XKR9: variants seen among roughly 807,000 people sequenced by gnomAD.
XKR9 encodes the protein XK related 9.
In XKR9, 32 loss-of-function variants were observed where a neutral mutation model predicts 32.0. That is an observed-to-expected ratio of 1.00 (90% CI 0.76 to 1.34). The LOEUF (loss-of-function observed/expected upper bound fraction) is 1.34, where lower values mean the gene tolerates loss of function less well. XKR9 is among the 40% of genes most tolerant of loss of function. The pLI is 0.00. For synonymous variants in XKR9, 168 were observed against 143.4 expected (o/e 1.17, Z -1.22); for missense variants, 546 against 429.7 (o/e 1.27, Z -2.39).
chr8:70,886,029 A>C, the XKR9 span, among the ~76,000 whole-genome samples: 13 of 151,968 alleles, frequency 8.6e-5, no homozygotes, highest in Non-Finnish European at 1.9e-4. Flanking sequence ...TCCTAATGCT[A>C]TCCCTCCCCT....
downstream of XKR9, among the ~76,000 whole-genome samples, chr8:70,739,596 T>C (rs1256099223): frequency 6.6e-6 from 1 of 152,158 alleles, no homozygotes; most frequent in Admixed American, 6.5e-5. Context: ...GATTTTGCAG[T>C]GGCTGGTACC....
chr8:70,846,388 C>T, the XKR9 span, among the ~76,000 whole-genome samples: 6 of 151,928 alleles, frequency 3.9e-5, no homozygotes, highest in Admixed American at 3.3e-4. Flanking sequence ...AGAGAAAACA[C>T]AAATGAAGAG....
the XKR9 span, among the ~76,000 whole-genome samples, chr8:70,981,864 A>G: frequency 1.1e-4 from 17 of 152,262 alleles, no homozygotes; most frequent in East Asian, 1.2e-3. Flanking sequence ...CCCTTCCCCT[A>G]TGAATGGGGC....
In XKR9 at chr8:70,702,012, C is replaced by T. The variant is rs149596507; in HGVS notation, c.273-4921C>T. 3.8e-3 allele frequency among the ~76,000 whole-genome samples: 578 copies of T among 152,158 alleles called. 5 individuals carry two copies. Among genetic ancestry groups the T allele is most frequent in the African/African-American group, 0.013 (547 of 41,544 alleles). On this transcript the variant is annotated intron_variant, in intron 3 of 4. Transcript: ENST00000408926. ...TTAGTACATATAAAAAGTTTAAATTCTATAAAAATGAATATAATGGGAGTT... is the reference window on the plus strand; with the variant it reads ...TTAGTACATATAAAAAGTTTAAATTTTATAAAAATGAATATAATGGGAGTT...
the XKR9 span, among the ~76,000 whole-genome samples, chr8:70,828,653 G>A: frequency 3.3e-5 from 5 of 151,572 alleles, no homozygotes; most frequent in African/African-American, 9.7e-5. Flanking sequence ...AACCCAGGAG[G>A]TGGAGGTTGC....
chr8:71,020,633 T>C, the XKR9 span, among the ~76,000 whole-genome samples: 2 of 152,228 alleles, frequency 1.3e-5, no homozygotes, highest in African/African-American at 2.4e-5. Context: ...AGTTTTTTAG[T>C]TGATACATAA....
rs1000962412 is a variant in XKR9 at position 70,735,459 on chromosome 8, A to T, written c.*1035A>T. On this transcript the variant is annotated 3_prime_UTR_variant, in exon 5 of 5. Transcript: ENST00000408926. ...TATTTATTTTTAATTTTTTAATTTT[A>T]TATTATTATTATTATTATTATACTT... 6.7e-6 allele frequency: 1 copy of T among 149,174 alleles called. No homozygotes were observed. The highest frequency in any genetic ancestry group is 1.5e-5 in the Non-Finnish European group (1 of 67,236). The allele number at this position is 149,174 out of a possible 1,614,324, so 9.2% of individuals were successfully genotyped here.
At chr8:71,064,582 T>C in the XKR9 span, among the ~76,000 whole-genome samples, 1 of 152,222 alleles carries the variant, frequency 6.6e-6, no homozygotes, top group Non-Finnish European at 1.5e-5. Context: ...TTCTCCCACA[T>C]TCTTTAACAT....
At chr8:70,848,632 AG>A in the XKR9 span, among the ~76,000 whole-genome samples, 1 of 152,116 alleles carries the variant, frequency 6.6e-6, no homozygotes, top group African/African-American at 2.4e-5. Context: ...CCCAATTAAA[AG>A]ACACAGACTG....
the XKR9 span, among the ~76,000 whole-genome samples, chr8:70,977,701 T>C: frequency 6.6e-6 from 1 of 152,320 alleles, no homozygotes; most frequent in South Asian, 2.1e-4. Context: ...CTAAGAAGAA[T>C]GTATATTCTG....
At chr8:70,883,700 T>G in the XKR9 span, among the ~76,000 whole-genome samples, 1 of 152,164 alleles carries the variant, frequency 6.6e-6, no homozygotes, top group East Asian at 1.9e-4. Flanking sequence ...TTTTATATCT[T>G]TTTGTGGCTT....
the XKR9 span, among the ~76,000 whole-genome samples, chr8:70,909,937 A>T: frequency 6.6e-6 from 1 of 151,806 alleles, no homozygotes; most frequent in Admixed American, 6.6e-5. Context: ...CAAACTCCTG[A>T]CCTCAAGTCA....
In XKR9 at chr8:70,681,283, G is replaced by A; in HGVS notation, c.225G>A (p.Gln75=). 3 of 1,613,272 alleles carry A rather than the reference G, an allele frequency of 1.9e-6. No homozygotes were observed. The highest frequency in any genetic ancestry group is 1.3e-5 in the African/African-American group (1 of 74,998). The change falls in exon 3 of 5, where the codon CAG becomes CAA. Residue 75 remains glutamine, a synonymous_variant. Transcript: ENST00000408926. ...TAAAGAAAGCAGGCCAAGAAAGTCAGCATTGTTTTCTTCTACTTCATTGCT... is the reference window on the plus strand; with the variant it reads ...TAAAGAAAGCAGGCCAAGAAAGTCAACATTGTTTTCTTCTACTTCATTGCT... The part of the protein sequence containing the change: ...ADLKKAGQES[Q]HCFLLLHCLQ...
the XKR9 span, among the ~76,000 whole-genome samples, chr8:71,004,134 G>T: frequency 6.6e-6 from 1 of 152,180 alleles, no homozygotes; most frequent in East Asian, 1.9e-4. Flanking sequence ...ATCCCGTGGA[G>T]GACCATGTTG....
At chr8:70,855,732 G>T in the XKR9 span, among the ~76,000 whole-genome samples, 2 of 152,220 alleles carry the variant, frequency 1.3e-5, no homozygotes, top group Admixed American at 6.5e-5. Context: ...AGAGAGAAAG[G>T]TTGGGTTACC....
At position 70,757,278 on chromosome 8, in the gene XKR9, G is replaced by A. The variant is rs555994105; in HGVS notation, n.353-32061G>A. Among the ~76,000 whole-genome samples the A allele has an allele frequency of 2.0e-5, 3 of 151,986 alleles. No homozygotes were observed. In the South Asian group the frequency reaches 6.2e-4, roughly 32 times the overall value. On this transcript the variant is annotated intron_variant and non_coding_transcript_variant, in intron 2 of 3. Coordinates refer to the XKR9 transcript ENST00000520273. ...GCATTTAATGGTGTCCCATATTTCTGTGAGGGTCTGTTTATTTTTTCCTCA... is the reference window on the plus strand; with the variant it reads ...GCATTTAATGGTGTCCCATATTTCTATGAGGGTCTGTTTATTTTTTCCTCA...
the XKR9 span, among the ~76,000 whole-genome samples, chr8:70,949,415 T>C: frequency 1.6e-3 from 248 of 152,076 alleles, 1 homozygote; most frequent in African/African-American, 5.8e-3. Context: ...ATGCTTTAGA[T>C]TTCTAAATCT....
the XKR9 span, among the ~76,000 whole-genome samples, chr8:70,835,493 T>A: frequency 6.6e-6 from 1 of 152,150 alleles, no homozygotes; most frequent in African/African-American, 2.4e-5. Flanking sequence ...GGGTCAATAA[T>A]CATTTATTGA....
chr8:70,905,285 A>T, the XKR9 span, among the ~76,000 whole-genome samples: 1 of 152,190 alleles, frequency 6.6e-6, no homozygotes, highest in Non-Finnish European at 1.5e-5. Flanking sequence ...GTGTTTTCAC[A>T]TAGTCCCATA....
Sources: allele counts gnomAD v4.1 joint callset (sites outside exome capture counted in the v4.1 genomes callset), GRCh38; gene constraint gnomAD v4.1.1; transcripts MANE v1.5; gene names NCBI Gene and HGNC (gene_info 2026-07-23, HGNC 2026-07-21).